WDPCP: variants seen among roughly 807,000 people sequenced by gnomAD.
The protein encoded by WDPCP is WD repeat containing planar cell polarity effector, also known as WD repeat-containing and planar cell polarity effector protein fritz homolog.
Under a neutral mutation model 93.1 loss-of-function variants are expected in WDPCP, and 71 were observed. The observed-to-expected ratio is 0.76, with a 90% CI of 0.63 to 0.93. WDPCP has a LOEUF of 0.93. Among genes scored for constraint, WDPCP ranks in the 40% least tolerant of loss-of-function variants. The pLI is 0.00. For synonymous variants in WDPCP, 315 were observed against 315.0 expected (o/e 1.00, Z 0.00); for missense variants, 844 against 887.4 (o/e 0.95, Z 0.62).
intron 13 of WDPCP, among the ~76,000 whole-genome samples, chr2:63,294,210 AG>A (rs1430222331): frequency 6.6e-6 from 1 of 152,228 alleles, no homozygotes; most frequent in East Asian, 1.9e-4. Flanking sequence ...GGCTGATAAA[AG>A]TGCCAAAAGA....
intron 17 of WDPCP, among the ~76,000 whole-genome samples, chr2:63,126,796 C>T (rs2153397038): frequency 6.6e-6 from 1 of 151,950 alleles, no homozygotes; most frequent in East Asian, 1.9e-4. Flanking sequence ...TTGCCTCAGC[C>T]TCCCAAGTAG....
At chr2:63,461,505 C>G (rs1159088850) in intron 6 of WDPCP, among the ~76,000 whole-genome samples, 2 of 152,086 alleles carry the variant, frequency 1.3e-5, no homozygotes, top group Non-Finnish European at 1.5e-5. Context: ...TGCATAACCA[C>G]GAGCCAATTA....
intron 1 of WDPCP, among the ~76,000 whole-genome samples, chr2:63,536,643 A>G (rs1362158220): frequency 1.3e-5 from 2 of 152,182 alleles, no homozygotes; most frequent in Admixed American, 1.3e-4. Flanking sequence ...AATTATCTGT[A>G]ATATACTTTG....
At chr2:63,543,064 T>C (rs1278648019) in intron 1 of WDPCP, among the ~76,000 whole-genome samples, 1 of 152,174 alleles carries the variant, frequency 6.6e-6, no homozygotes, top group Non-Finnish European at 1.5e-5. Flanking sequence ...AGTGAAAGAA[T>C]TTCATAAAAC....
intron 2 of WDPCP, among the ~76,000 whole-genome samples, chr2:63,714,181 G>A (rs560937254): frequency 1.3e-5 from 2 of 150,772 alleles, no homozygotes; most frequent in Admixed American, 6.6e-5. Context: ...TGAGCCTCCC[G>A]AGTAGCTGGG....
In WDPCP at chr2:63,468,709, C is replaced by A. The variant is rs542164770; in HGVS notation, c.384+15895G>T. On this transcript the variant is annotated intron_variant, in intron 6 of 17. Coordinates refer to ENST00000272321, the MANE Select transcript of WDPCP (RefSeq NM_015910.7). The stretch of plus-strand genomic sequence containing the variant: ...GGCACCTACGTTCTATTCCCTCCCC[C>A]CTTAGCAGGTATGTTTTTCTTTCTG... Among the ~76,000 whole-genome samples the A allele has an allele frequency of 5.9e-5, 9 of 152,232 alleles. No homozygotes were observed. The South Asian group carries it at 1.5e-3, about 25-fold the overall frequency.
chr2:63,574,500 C>T (rs114059780), intron 1 of WDPCP, among the ~76,000 whole-genome samples: 1,986 of 152,208 alleles, frequency 0.013, 23 homozygotes, highest in Non-Finnish European at 0.02. Context: ...TCAATTTGTG[C>T]TTTTATACCA....
intron 14 of WDPCP, among the ~76,000 whole-genome samples, chr2:63,232,156 C>T (rs1371023769): frequency 4.6e-5 from 7 of 152,188 alleles, no homozygotes; most frequent in Non-Finnish European, 8.8e-5. Context: ...GGATCCCTTC[C>T]TTACGCCTTA....
intron 12 of WDPCP, among the ~76,000 whole-genome samples, chr2:63,322,143 T>C (rs1006775994): frequency 6.6e-6 from 1 of 152,140 alleles, no homozygotes; most frequent in Non-Finnish European, 1.5e-5. Context: ...CTTTTCTGTC[T>C]AGCTAAAGGA....
At chr2:63,152,059 A>C (rs1454432430) in intron 17 of WDPCP, among the ~76,000 whole-genome samples, 1 of 152,212 alleles carries the variant, frequency 6.6e-6, no homozygotes, top group African/African-American at 2.4e-5. Flanking sequence ...AGAAGGGTTC[A>C]GAACTACCTG....
At chr2:63,351,041 G>T (rs761498134) in intron 12 of WDPCP, among the ~76,000 whole-genome samples, 2 of 151,660 alleles carry the variant, frequency 1.3e-5, no homozygotes, top group Non-Finnish European at 2.9e-5. Flanking sequence ...GAGTGCAATG[G>T]CTCAATCTTA....
At chr2:63,665,298 T>C (rs262520) in intron 2 of WDPCP, among the ~76,000 whole-genome samples, 121,944 of 152,144 alleles carry the variant, frequency 0.8, 49,290 homozygotes, top group East Asian at 0.98. Context: ...GCTTCTTTCC[T>C]AGCATCTGGT....
At chr2:63,314,635 T>G (rs1416307264) in intron 12 of WDPCP, among the ~76,000 whole-genome samples, 1 of 152,172 alleles carries the variant, frequency 6.6e-6, no homozygotes, top group Non-Finnish European at 1.5e-5. Flanking sequence ...TCTCCTTTGC[T>G]AGTTCATTTT....
intron 13 of WDPCP, among the ~76,000 whole-genome samples, chr2:63,263,998 A>G (rs537786147): frequency 2.0e-4 from 31 of 152,364 alleles, no homozygotes; most frequent in African/African-American, 7.5e-4. Context: ...ATTTCCACTT[A>G]CTTGTAGAAG....
chr2:63,487,735 A>G (rs1246600442), intron 2 of WDPCP, among the ~76,000 whole-genome samples: 1 of 152,128 alleles, frequency 6.6e-6, no homozygotes. Context: ...ATGGCATGAG[A>G]AAAAGATTAG....
At chr2:63,134,144 C>T (rs1208107266) in intron 17 of WDPCP, among the ~76,000 whole-genome samples, 2 of 152,112 alleles carry the variant, frequency 1.3e-5, no homozygotes, top group East Asian at 3.9e-4. Flanking sequence ...TCAATACAAC[C>T]CTGAATAATA....
At chr2:63,537,770 A>G (rs1645439179) in intron 1 of WDPCP, among the ~76,000 whole-genome samples, 1 of 152,150 alleles carries the variant, frequency 6.6e-6, no homozygotes, top group African/African-American at 2.4e-5. Context: ...GCTTTCCTCA[A>G]TCATAACATC....
intron 12 of WDPCP, among the ~76,000 whole-genome samples, chr2:63,345,354 A>G (rs777473921): frequency 9.9e-5 from 15 of 152,184 alleles, no homozygotes; most frequent in Non-Finnish European, 1.9e-4. Flanking sequence ...TAGTTGGGCA[A>G]CTTTGGCTTG....
rs138024778 is a variant in WDPCP, at chr2:63,256,453, C to T, written c.1915+2854G>A. ...AATAAAAAAGAGAGACAATATCAAG[C>T]ATCATTGAGGATGGCCAAAACTGGA... On this transcript the variant is annotated intron_variant, in intron 14 of 17. Coordinates refer to ENST00000272321, the MANE Select transcript of WDPCP (RefSeq NM_015910.7). Among the ~76,000 whole-genome samples, 271 of 152,212 alleles carry T rather than the reference C, an allele frequency of 1.8e-3. 2 individuals carry two copies. Among genetic ancestry groups the T allele is most frequent in the African/African-American group, 6.1e-3 (252 of 41,548 alleles).
Sources: allele counts gnomAD v4.1 joint callset (sites outside exome capture counted in the v4.1 genomes callset), GRCh38; gene constraint gnomAD v4.1.1; transcripts MANE v1.5; gene names NCBI Gene and HGNC (gene_info 2026-07-23, HGNC 2026-07-21).